GALNT16: variants seen among roughly 807,000 people sequenced by gnomAD.
GALNT16 encodes the protein UDP-GalNAc:polypeptide N-acetylgalactosaminyltransferase-like protein 1.
In GALNT16, 40 loss-of-function variants were observed where a neutral mutation model predicts 76.1. The observed-to-expected ratio is 0.53, with a 90% CI of 0.41 to 0.68. The LOEUF is 0.68. GALNT16 is among the 30% of genes least tolerant of loss of function. The probability of loss-of-function intolerance (pLI) is 0.00; values close to 1 mark genes in which losing one functional copy is unlikely to be tolerated. For missense variants in GALNT16, 621 were observed against 731.9 expected (o/e 0.85, Z 1.75); for synonymous variants, 276 against 285.2 (o/e 0.97, Z 0.32).
downstream of GALNT16, chr14:69,359,165 T>C (rs1023318711): frequency 2.6e-5 from 4 of 152,214 alleles, no homozygotes; most frequent in African/African-American, 9.7e-5. Context: ...TGTCCTCTTT[T>C]TTCTGTTAGA....
the GALNT16 span, among the ~76,000 whole-genome samples, chr14:69,377,904 T>G: frequency 6.6e-6 from 1 of 151,772 alleles, no homozygotes; most frequent in Non-Finnish European, 1.5e-5. Context: ...ATCCTGATTT[T>G]CATTCCAACC....
At chr14:69,355,847 G>T (rs2045688915), downstream of GALNT16, 2 of 152,266 alleles carry the variant, frequency 1.3e-5, no homozygotes, top group African/African-American at 4.8e-5. Flanking sequence ...CCTCAGGAAG[G>T]CTGTCTCCAT....
chr14:69,300,659 G>GCCCTCCTCCTAGGTCCTAGCAGT (rs1185490925), intron 1 of GALNT16, among the ~76,000 whole-genome samples: 1 of 152,172 alleles, frequency 6.6e-6, no homozygotes, highest in Non-Finnish European at 1.5e-5. Flanking sequence ...CTACCTGCAG[G>GCCCTCCTCCTAGGTCCTAGCAGT]CCCTCCTCCT....
chr14:69,289,464 T>C (rs979184006), intron 1 of GALNT16, among the ~76,000 whole-genome samples: 7 of 152,110 alleles, frequency 4.6e-5, no homozygotes, highest in African/African-American at 1.7e-4. Context: ...TCTACAAATC[T>C]CAGTTGCTGG....
chr14:69,378,151 G>A, the GALNT16 span, among the ~76,000 whole-genome samples: 199 of 152,312 alleles, frequency 1.3e-3, no homozygotes, highest in East Asian at 7.7e-4. Flanking sequence ...TGAGCATTTA[G>A]TAAGTTGCTG....
the GALNT16 span, among the ~76,000 whole-genome samples, chr14:69,364,877 C>G: frequency 6.6e-6 from 1 of 152,056 alleles, no homozygotes; most frequent in African/African-American, 2.4e-5. The surrounding 1 kb of genome is among the most constrained non-coding windows in gnomAD (Gnocchi z 4.2). Context: ...AGAACCTGAC[C>G]TAAGTGTTTT....
chr14:69,296,622 G>T (rs544195901), intron 1 of GALNT16, among the ~76,000 whole-genome samples: 1 of 151,230 alleles, frequency 6.6e-6, no homozygotes, highest in Non-Finnish European at 1.5e-5. Context: ...GGACCTGGGA[G>T]GCAGAGGTTG....
chr14:69,332,831 T>TTA (rs1424501764), intron 7 of GALNT16, among the ~76,000 whole-genome samples: 4 of 151,730 alleles, frequency 2.6e-5, no homozygotes, highest in Non-Finnish European at 5.9e-5. Flanking sequence ...TTCTTCTTTT[T>TTA]TTTTTTTTTT....
chr14:69,348,896 C>A (rs938761274), intron 14 of GALNT16: 1 of 152,496 alleles, frequency 6.6e-6, no homozygotes, highest in African/African-American at 2.4e-5. Context: ...CCCCTGCTCA[C>A]CCTCCTCAGA....
chr14:69,273,645 G>A (rs934625309), intron 1 of GALNT16, among the ~76,000 whole-genome samples: 85 of 152,368 alleles, frequency 5.6e-4, no homozygotes, highest in African/African-American at 2.0e-3. Context: ...CACTGAGCCA[G>A]AACATGTGCA....
chr14:69,354,959 A>G (rs1292996281), downstream of GALNT16: 1 of 152,288 alleles, frequency 6.6e-6, no homozygotes, highest in Non-Finnish European at 1.5e-5. Context: ...TTCCTGGGTA[A>G]AAACAGCAAA....
intron 10 of GALNT16, among the ~76,000 whole-genome samples, chr14:69,339,175 T>C (rs975353194): frequency 6.6e-6 from 1 of 152,114 alleles, no homozygotes; most frequent in Non-Finnish European, 1.5e-5. Context: ...GAGTGGGTAA[T>C]GTCCTAGAAG....
rs1423736341 is a variant in GALNT16 at position 69,339,556 on chromosome 14, T to A, written c.1124T>A (p.Met375Lys). The change falls in exon 11 of 15, where the codon ATG (methionine) becomes AAG (lysine). Residue 375 changes from methionine to lysine, a missense_variant. Transcript: ENST00000448469. The part of the protein sequence containing the change: ...RNTKRTAEVW[M>K]DEYKQYYYEA... ...ACTAAGCGCACTGCAGAAGTGTGGA[T>A]GGATGAATACAAGCAATACTACTAT... The A allele has an allele frequency of 6.2e-7, 1 of 1,613,130 alleles. No homozygotes were observed. Among genetic ancestry groups the A allele is most frequent in the Non-Finnish European group, 8.5e-7 (1 of 1,179,168 alleles).
intron 6 of GALNT16, among the ~76,000 whole-genome samples, chr14:69,329,831 T>C (rs1256529391): frequency 6.6e-6 from 1 of 152,086 alleles, no homozygotes; most frequent in African/African-American, 2.4e-5. Flanking sequence ...AGTCACTTAC[T>C]GTCAGGAAGA....
chr14:69,345,703 AGTGTGTGTGTGTGT>A (rs55871607), intron 12 of GALNT16, among the ~76,000 whole-genome samples: 3 of 135,002 alleles, frequency 2.2e-5, no homozygotes, highest in South Asian at 5.0e-4. Flanking sequence ...ATAAGGTGTC[AGTGTGTGTGTGTGT>A]GTGTGTGTGT....
rs760712045 is a variant in GALNT16, at chr14:69,333,153, C to T, written c.847C>T (p.Pro283Ser). Residue 283 changes from proline (P) to serine (S), a missense_variant, in exon 8 of 15, where the codon CCC becomes TCC. Coordinates refer to ENST00000448469, the MANE Select transcript of GALNT16 (RefSeq NM_001168368.2). This position sits in a 1 kb window ranked among gnomAD's most constrained non-coding sequence, Gnocchi z 4.2. ...TGAGCAGAAGATGACCCGGACAGACCCCACCAGGCCCATAAGGTCAGAGCT... is the reference window on the plus strand; with the variant it reads ...TGAGCAGAAGATGACCCGGACAGACTCCACCAGGCCCATAAGGTCAGAGCT... ...PLEQKMTRTD[P>S]TRPIRTPVIA... is the part of the protein sequence containing the mutation. The T allele has an allele frequency of 6.2e-7, 1 of 1,611,078 alleles. No homozygotes were observed. Among genetic ancestry groups the T allele is most frequent in the East Asian group, 2.2e-5 (1 of 44,864 alleles).
At chr14:69,378,366 T>C in the GALNT16 span, among the ~76,000 whole-genome samples, 1 of 152,204 alleles carries the variant, frequency 6.6e-6, no homozygotes, top group Non-Finnish European at 1.5e-5. Flanking sequence ...GTTTCACCTT[T>C]ATGTAGCAGT....
intron 2 of GALNT16, among the ~76,000 whole-genome samples, chr14:69,322,984 GCGCGCA>G (rs1181221417): frequency 0.24 from 8,068 of 33,722 alleles, 600 homozygotes; most frequent in East Asian, 0.54. Context: ...GTGTGTGTGC[GCGCGCA>G]CGCGCGCACG....
At chr14:69,382,658 C>T in the GALNT16 span, among the ~76,000 whole-genome samples, 1 of 149,116 alleles carries the variant, frequency 6.7e-6, no homozygotes, top group South Asian at 2.1e-4. Flanking sequence ...ATTGTGAAAC[C>T]CCGTCTCCAC....
Sources: gnomAD v4.1 joint callset for allele counts (sites outside exome capture counted in the v4.1 genomes callset) on GRCh38, gnomAD v4.1.1 for gene constraint, Gnocchi (gnomAD v3.1) non-coding constraint, MANE v1.5 for transcripts, NCBI Gene and HGNC (gene_info 2026-07-23, HGNC 2026-07-21) for gene names.